Variants in MASP2 observed in about 807,000 individuals in gnomAD.
MASP2 encodes the protein MBL associated serine protease 2.
A neutral mutation model predicts 57.1 loss-of-function variants in MASP2; 49 were observed. That is an observed-to-expected ratio of 0.86 (90% CI 0.68 to 1.09). The LOEUF (loss-of-function observed/expected upper bound fraction) is 1.09, where lower values mean the gene tolerates loss of function less well. Ranked by LOEUF, MASP2 falls within the 50% of genes least tolerant of loss-of-function variation. The probability of loss-of-function intolerance (pLI) is 0.00; values close to 1 mark genes in which losing one functional copy is unlikely to be tolerated. For missense variants in MASP2, 900 were observed against 874.8 expected, an observed-to-expected ratio of 1.03 and a Z score of -0.36; for synonymous variants, 379 against 340.8, an observed-to-expected ratio of 1.11 and a Z score of -1.24.
rs1202725788 is a variant in MASP2, at chr1:11,035,039, C to CTA, written c.1009-135_1009-134dup. On this transcript the variant is annotated intron_variant, in intron 7 of 10. Coordinates refer to ENST00000400897, the MANE Select transcript of MASP2 (RefSeq NM_006610.4). ...CTGAAGGGGGTGGCAGCACACATGA[C>CTA]TAGTATCTGCGTGTGCTGGGGTTGG... 34 of 605,464 alleles carry CTA rather than the reference C, an allele frequency of 5.6e-5. No individual in the cohort carries two copies. The East Asian group carries it at 9.0e-4, about 16-fold the overall frequency. The allele number at this position is 605,464 out of a possible 1,614,324, so 37.5% of individuals were successfully genotyped here.
In MASP2 at chr1:11,027,276, T is replaced by G. The variant is rs373806675; in HGVS notation, c.1670A>C (p.Glu557Ala). Residue 557 changes from glutamate to alanine, a missense_variant, in exon 11 of 11, where the codon GAA becomes GCA. Transcript: ENST00000400897. ...NITPICLPRKEAESFMRTDDI... is the reference protein window; with the variant it reads ...NITPICLPRKAAESFMRTDDI... ...ATCTGTCCTCATAAAGGATTCAGCTTCTTTTCTTGGCAGACAAATAGGCGT... is the reference window on the plus strand; with the variant it reads ...ATCTGTCCTCATAAAGGATTCAGCTGCTTTTCTTGGCAGACAAATAGGCGT... 177 of 1,613,830 alleles carry G rather than the reference T, an allele frequency of 1.1e-4. No homozygotes were observed. Among genetic ancestry groups the G allele is most frequent in the Non-Finnish European group, 1.4e-4 (166 of 1,179,884 alleles).
intron 7 of MASP2, among the ~76,000 whole-genome samples, chr1:11,037,049 A>G (rs560153020): frequency 6.6e-6 from 1 of 151,870 alleles, no homozygotes; most frequent in Non-Finnish European, 1.5e-5. Flanking sequence ...TGCCCGTTTT[A>G]TTTTATTTTA....
intron 6 of MASP2, among the ~76,000 whole-genome samples, chr1:11,041,903 AG>A (rs1638464106): frequency 7.1e-6 from 1 of 139,940 alleles, no homozygotes; most frequent in African/African-American, 2.7e-5. Flanking sequence ...GTTGGATAGA[AG>A]GATGGATGGA....
intron 6 of MASP2, among the ~76,000 whole-genome samples, chr1:11,041,657 G>GATA (rs1638444472): frequency 4.3e-5 from 2 of 46,258 alleles, no homozygotes; most frequent in African/African-American, 9.0e-5. Flanking sequence ...GTAGGTAGAA[G>GATA]GATGAGTGAA....
intron 9 of MASP2, 121 bp downstream of exon 9, chr1:11,030,627 A>G: frequency 9.2e-7 from 1 of 1,089,090 alleles, no homozygotes; most frequent in Non-Finnish European, 1.3e-6. Context: ...AGCGGATGGG[A>G]GAAGTGGCTT....
intron 10 of MASP2, 83 bp downstream of exon 10, chr1:11,030,093 C>T: frequency 3.1e-6 from 3 of 968,012 alleles, no homozygotes; most frequent in South Asian, 1.5e-5. Flanking sequence ...TTCTGCCTAC[C>T]ACAGCTAAAG....
intron 8 of MASP2, among the ~76,000 whole-genome samples, chr1:11,031,892 G>C (rs552379933): frequency 8.7e-4 from 132 of 152,256 alleles, no homozygotes; most frequent in Non-Finnish European, 1.5e-3. Context: ...CCGCCTGGGT[G>C]ATAGAGACTT....
Position 11,046,411 on chromosome 1 carries a change from C to T in MASP2, c.412+145G>A, listed in dbSNP as rs1013304893. 1.3e-5 allele frequency: 11 copies of T among 876,210 alleles called. No individual in the cohort carries two copies. In the South Asian group the frequency reaches 1.4e-4, roughly 11 times the overall value. The allele number at this position is 876,210 out of a possible 1,614,324, so 54.3% of individuals were successfully genotyped here. On this transcript the variant is annotated intron_variant, in intron 3 of 10. Coordinates refer to ENST00000400897, the MANE Select transcript of MASP2 (RefSeq NM_006610.4). The stretch of plus-strand genomic sequence containing the variant: ...GAGGTCACGGCTGTTTTGGTCTTTG[C>T]ATTGTGGATGATGTCAGGCCAGAGG...
At chr1:11,028,706 CTTTTTTTT>C (rs1184236433) in intron 10 of MASP2, among the ~76,000 whole-genome samples, 4 of 12,066 alleles carry the variant, frequency 3.3e-4, no homozygotes, top group Non-Finnish European at 7.0e-4. Flanking sequence ...GGTTTTTTTT[CTTTTTTTT>C]TTTTTTTTTT....
At chr1:11,037,063 A>AT (rs1166840808) in intron 7 of MASP2, among the ~76,000 whole-genome samples, 3 of 151,846 alleles carry the variant, frequency 2.0e-5, no homozygotes, top group Non-Finnish European at 2.9e-5. Flanking sequence ...TATTTTATAT[A>AT]TTTTTTTGAG....
chr1:11,039,391 T>C (rs1445976854), intron 6 of MASP2, among the ~76,000 whole-genome samples: 1 of 131,330 alleles, frequency 7.6e-6, no homozygotes, highest in Non-Finnish European at 1.6e-5. Context: ...GATTGGTGGA[T>C]AGAAGGACTG....
intron 6 of MASP2, among the ~76,000 whole-genome samples, chr1:11,041,200 G>T (rs1261643988): frequency 6.7e-6 from 1 of 148,718 alleles, no homozygotes; most frequent in African/African-American, 2.5e-5. Flanking sequence ...GGAAGGATGT[G>T]TTGGTAGAAG....
Position 11,037,732 on chromosome 1 carries a change from G to A in MASP2, c.969C>T (p.Ser323=). 6.2e-7 allele frequency: 1 copy of A among 1,612,932 alleles called. No individual in the cohort carries two copies. Among genetic ancestry groups the A allele is most frequent in the South Asian group, 1.1e-5 (1 of 90,770 alleles). ...PVQAKYILKD[S]FSIFCETGYE... ...AGCCAGTCTCGCAAAAGATGGAGAA[G>A]CTGTCTTTCAGGATGTATTTGGCTT... The change falls in exon 7 of 11, where the codon AGC becomes AGT. Residue 323 remains serine (S), a synonymous_variant. Coordinates refer to ENST00000400897, the MANE Select transcript of MASP2 (RefSeq NM_006610.4).
At chr1:11,046,159 C>T (rs1044327700) in intron 3 of MASP2, 27 of 306,344 alleles carry the variant, frequency 8.8e-5, no homozygotes, top group South Asian at 4.8e-4. Flanking sequence ...ATTCCAGGTG[C>T]GCACCACCAC....
chr1:11,045,572 G>A (rs1282344758), intron 3 of MASP2, 33 bp from the exon 4 acceptor site: 6 of 1,585,228 alleles, frequency 3.8e-6, no homozygotes, highest in Non-Finnish European at 5.1e-6. Context: ...CAGGCCGTCA[G>A]GAGGGAAAGA....
chr1:11,046,730 T>G lies in MASP2; in HGVS notation c.238A>C (p.Ser80Arg). 2 of 1,611,778 alleles carry G rather than the reference T, an allele frequency of 1.2e-6. No individual in the cohort carries two copies. The highest frequency in any genetic ancestry group is 1.7e-6 in the Non-Finnish European group (2 of 1,179,384). ...HLCEYDFVKL[S>R]SGAKVLATLC... is the part of the protein sequence containing the mutation. ...GTGGCCAGCACCTTGGCCCCCGAGCTCAGCTGTGGGGTCAGGTGTCACAGG... is the reference window on the plus strand; with the variant it reads ...GTGGCCAGCACCTTGGCCCCCGAGCGCAGCTGTGGGGTCAGGTGTCACAGG... Residue 80 changes from serine (S) to arginine (R), a missense_variant, in exon 3 of 11, where the codon AGC becomes CGC. Transcript: ENST00000400897.
intron 8 of MASP2, among the ~76,000 whole-genome samples, chr1:11,031,235 G>C (rs955196498): frequency 1.3e-4 from 19 of 151,312 alleles, no homozygotes; most frequent in African/African-American, 4.6e-4. Flanking sequence ...ATATAAGAAA[G>C]ATCTGCGGCC....
Position 11,043,523 on chromosome 1 carries a change from C to A in MASP2, c.557G>T (p.Gly186Val). Residue 186 changes from glycine (G) to valine (V), a missense_variant, in exon 5 of 11, where the codon GGC becomes GTC. Transcript: ENST00000400897. ...CCCAGACCTCTGGGTGAAGACCTGG[C>A]CGGAGCACAGGGCTGGAAGGAGGGA... ...NKRTCSALCS[G>V]QVFTQRSGEL... is the part of the protein sequence containing the mutation. 1 of 1,600,102 alleles carries A rather than the reference C, an allele frequency of 6.2e-7. No individual in the cohort carries two copies. Among genetic ancestry groups the A allele is most frequent in the Non-Finnish European group, 8.5e-7 (1 of 1,174,352 alleles).
At chr1:11,027,789 G>T in intron 10 of MASP2, 141 bp from the exon 11 acceptor site, 1 of 752,118 alleles carries the variant, frequency 1.3e-6, no homozygotes. Flanking sequence ...ACCTATACAG[G>T]CAAGTGAGGC....
Sources: gnomAD v4.1 joint callset for allele counts (sites outside exome capture counted in the v4.1 genomes callset) on GRCh38, gnomAD v4.1.1 for gene constraint, MANE v1.5 for transcripts, NCBI Gene and HGNC (gene_info 2026-07-23, HGNC 2026-07-21) for gene names.